TRAPPC11: variants seen among roughly 807,000 people sequenced by gnomAD.
TRAPPC11 encodes the protein trafficking protein particle complex subunit 11.
In TRAPPC11, 104 loss-of-function variants were observed where a neutral mutation model predicts 151.2. The ratio of observed to expected loss-of-function variants is 0.69; its 90% CI spans 0.59 to 0.81. The LOEUF (loss-of-function observed/expected upper bound fraction) is 0.81, where lower values mean the gene tolerates loss of function less well. Among genes scored for constraint, TRAPPC11 ranks in the 30% least tolerant of loss-of-function variants. The pLI is 0.00. For synonymous variants in TRAPPC11, 456 were observed against 472.3 expected (o/e 0.97, Z 0.45); for missense variants, 1,230 against 1,349.6 (o/e 0.91, Z 1.39).
chr4:183,684,967 G>A, intron 15 of TRAPPC11, 117 bp from the exon 16 acceptor site: 1 of 1,294,058 alleles, frequency 7.7e-7, no homozygotes, highest in Non-Finnish European at 1.1e-6. Flanking sequence ...GCAAATCACT[G>A]TGCTTAGTCA....
chr4:183,695,847 C>T (rs1385516158), intron 23 of TRAPPC11, among the ~76,000 whole-genome samples: 1 of 152,136 alleles, frequency 6.6e-6, no homozygotes, highest in Non-Finnish European at 1.5e-5. Context: ...GAAAATTTCT[C>T]ATAGCCTGGT....
At chr4:183,696,692 C>A (rs1736554262) in intron 23 of TRAPPC11, among the ~76,000 whole-genome samples, 1 of 151,996 alleles carries the variant, frequency 6.6e-6, no homozygotes, top group Admixed American at 6.6e-5. Context: ...ACCATGCCCA[C>A]CCCCCCATTG....
intron 7 of TRAPPC11, among the ~76,000 whole-genome samples, chr4:183,676,957 G>T (rs1207587175): frequency 1.3e-5 from 2 of 152,088 alleles, no homozygotes; most frequent in Non-Finnish European, 2.9e-5. Flanking sequence ...TAGAGACGGG[G>T]TTTCACCCTG....
At chr4:183,669,428 G>A (rs1735036969) in intron 5 of TRAPPC11, among the ~76,000 whole-genome samples, 1 of 152,132 alleles carries the variant, frequency 6.6e-6, no homozygotes, top group Admixed American at 6.5e-5. Flanking sequence ...CTGCACTTCA[G>A]TGCTTTCCTA....
chr4:183,704,464 TG>T (rs1736949898), intron 26 of TRAPPC11, among the ~76,000 whole-genome samples: 1 of 140,458 alleles, frequency 7.1e-6, no homozygotes, highest in South Asian at 2.2e-4. Context: ...GAGGTTGCAG[TG>T]AGCCAAGGTT....
intron 29 of TRAPPC11, among the ~76,000 whole-genome samples, chr4:183,709,441 T>G (rs1737232737): frequency 6.6e-6 from 1 of 152,160 alleles, no homozygotes; most frequent in African/African-American, 2.4e-5. Context: ...TGTATAAAAA[T>G]AATTAACCCT....
chr4:183,684,376 A>C lies in TRAPPC11; in HGVS notation c.1421+17A>C. The C allele has an allele frequency of 6.2e-7, 1 of 1,603,494 alleles. No homozygotes were observed. Among genetic ancestry groups the C allele is most frequent in the Non-Finnish European group, 8.5e-7 (1 of 1,171,306 alleles). On this transcript the variant is annotated intron_variant, in intron 14 of 29. Coordinates refer to ENST00000334690, the MANE Select transcript of TRAPPC11 (RefSeq NM_021942.6). The stretch of plus-strand genomic sequence containing the variant: ...AGCTTTGAAGTGAGTCCTGTTCACT[A>C]TTTACTTTTACAAGTATTTGGATTA...
intron 29 of TRAPPC11, among the ~76,000 whole-genome samples, chr4:183,710,111 T>C (rs1164627217): frequency 6.6e-6 from 1 of 152,186 alleles, no homozygotes; most frequent in Admixed American, 6.5e-5. Flanking sequence ...CTAGAGTAAC[T>C]AATACTGAAA....
chr4:183,692,957 TAGA>T lies in TRAPPC11; in HGVS notation c.2050-2_2050del. On this transcript the variant is annotated splice_acceptor_variant and coding_sequence_variant, in exon 20 of 30. Transcript: ENST00000334690. LOFTEE classifies it high-confidence loss of function. Reference sequence around the variant, plus strand: ...TTTCCAACATCCTTTTTTTTCTTTTTAGATTACTTCAGTGGATCTTGCTCTGGG... The same window carrying T: ...TTTCCAACATCCTTTTTTTTCTTTTTTTACTTCAGTGGATCTTGCTCTGGG... 1.9e-6 allele frequency: 3 copies of T among 1,591,098 alleles called. No homozygotes were observed. Among genetic ancestry groups the T allele is most frequent in the Admixed American group, 3.6e-5 (2 of 55,478 alleles).
Position 183,684,659 on chromosome 4 carries a change from T to A in TRAPPC11, c.1422-37T>A, listed in dbSNP as rs759820266. On this transcript the variant is annotated intron_variant, in intron 14 of 29. Coordinates refer to ENST00000334690, the MANE Select transcript of TRAPPC11 (RefSeq NM_021942.6). ...CATGAACTCTTCGAACCCTTTCTTG[T>A]GAAGCCGGTTCAGTATTACATTTTG... The A allele has an allele frequency of 5.0e-6, 8 of 1,605,432 alleles. No homozygotes were observed. The South Asian group carries it at 8.9e-5, about 18-fold the overall frequency.
Position 183,675,203 on chromosome 4 carries a change from A to G in TRAPPC11, c.700A>G (p.Ser234Gly). The change falls in exon 7 of 30, where the codon AGT (serine) becomes GGT (glycine). Residue 234 changes from serine to glycine, a missense_variant. Ser to Gly is a moderately conservative substitution (Grantham distance 56, BLOSUM62 0). Coordinates refer to ENST00000334690, the MANE Select transcript of TRAPPC11 (RefSeq NM_021942.6). ...VRHQFKIAFF[S>G]ELKQDTQNAL... ...GCATCAGTTCAAAATAGCTTTCTTC[A>G]GTGAGTTGAAACAAGATACACAAAA... 3 of 1,545,674 alleles carry G rather than the reference A, an allele frequency of 1.9e-6. No homozygotes were observed. The highest frequency in any genetic ancestry group is 2.6e-6 in the Non-Finnish European group (3 of 1,145,868).
In TRAPPC11 at chr4:183,705,027, G is replaced by A. The variant is rs1246184629; in HGVS notation, c.3012G>A (p.Leu1004=). Residue 1004 remains leucine (L), a synonymous_variant, in exon 27 of 30, where the codon CTG becomes CTA. Coordinates refer to ENST00000334690, the MANE Select transcript of TRAPPC11 (RefSeq NM_021942.6). The part of the protein sequence containing the change: ...NIPIITTVIT[L]PHVIVENIPL... Reference sequence around the variant, plus strand: ...CCATCATCACAACTGTCATCACTCTGCCGCACGTGATTGTGGAGAATATCC... The same window carrying A: ...CCATCATCACAACTGTCATCACTCTACCGCACGTGATTGTGGAGAATATCC... 3.1e-6 allele frequency: 5 copies of A among 1,601,066 alleles called. No individual in the cohort carries two copies. Among genetic ancestry groups the A allele is most frequent in the Middle Eastern group, 1.7e-4 (1 of 6,010 alleles).
At position 183,661,047 on chromosome 4, in the gene TRAPPC11, C is replaced by G. The variant is rs145373094; in HGVS notation, c.-22+1600C>G. ...TTTTTAATTTTCATTCCTACATTAC[C>G]CAGAACTAGACTGTTTCTTTCTCTG... On this transcript the variant is annotated intron_variant, in intron 1 of 29. Coordinates refer to ENST00000334690, the MANE Select transcript of TRAPPC11 (RefSeq NM_021942.6). 9.0e-3 allele frequency among the ~76,000 whole-genome samples: 1,368 copies of G among 152,084 alleles called. 148 individuals carry two copies. Among genetic ancestry groups the G allele is most frequent in the Admixed American group, 0.086 (1,302 of 15,168 alleles).
rs564201364 is a variant in TRAPPC11, at chr4:183,665,164, G to A, written c.204+1093G>A. 4.3e-3 allele frequency among the ~76,000 whole-genome samples: 596 copies of A among 138,128 alleles called. 4 individuals carry two copies. The highest frequency in any genetic ancestry group is 9.6e-3 in the South Asian group (43 of 4,470). The allele number at this position is 138,128 out of a possible 152,430, so 90.6% of individuals were successfully genotyped here. A position where few individuals can be genotyped will look rare whatever the true frequency, so the allele number is the denominator to read the frequency against. ...GGCTGGAGTGCTGTGGCGCGATATC[G>A]GCTCACTGCAAGCTCCGCCTCCTGG... On this transcript the variant is annotated intron_variant, in intron 2 of 29. Coordinates refer to ENST00000334690, the MANE Select transcript of TRAPPC11 (RefSeq NM_021942.6).
At chr4:183,701,596 A>G (rs1736801880) in intron 25 of TRAPPC11, 101 bp from the exon 26 acceptor site, 1 of 773,972 alleles carries the variant, frequency 1.3e-6, no homozygotes, top group Non-Finnish European at 2.3e-6. Flanking sequence ...AGTAATATAT[A>G]GTGGGTGAGG....
At position 183,686,558 on chromosome 4, in the gene TRAPPC11, A is replaced by T. The variant is rs937158156; in HGVS notation, c.1763-60A>T. ...CTGAAGAATCAATTTGGTTAACAGG[A>T]TGTGTGTGGGTCGTGGGTATCTGGT... On this transcript the variant is annotated intron_variant, in intron 17 of 29. Transcript: ENST00000334690. 2.5e-6 allele frequency: 4 copies of T among 1,585,000 alleles called. No homozygotes were observed. The African/African-American group carries it at 5.4e-5, about 21-fold the overall frequency.
intron 7 of TRAPPC11, 40 bp downstream of exon 7, chr4:183,675,277 A>T: frequency 7.9e-7 from 1 of 1,263,580 alleles, no homozygotes; most frequent in Non-Finnish European, 1.1e-6. Context: ...CTATTTTTAT[A>T]TTAACAATAA....
In TRAPPC11 at chr4:183,693,095, C is replaced by T; in HGVS notation, c.2185C>T (p.Leu729=). Residue 729 remains leucine, a synonymous_variant, in exon 20 of 30, where the codon CTA becomes TTA. Coordinates refer to ENST00000334690, the MANE Select transcript of TRAPPC11 (RefSeq NM_021942.6). The part of the protein sequence containing the change: ...AARSFKRRPK[L]PDNEVHWDSI... ...TCGGTCTTTCAAAAGGCGACCTAAG[C>T]TACCTGACAATGAAGTTCACTGGGA... 1 of 1,612,622 alleles carries T rather than the reference C, an allele frequency of 6.2e-7. No homozygotes were observed. Among genetic ancestry groups the T allele is most frequent in the Non-Finnish European group, 8.5e-7 (1 of 1,179,092 alleles).
intron 3 of TRAPPC11, 48 bp from the exon 4 acceptor site, chr4:183,667,012 A>G (rs1398093835): frequency 6.7e-7 from 1 of 1,495,056 alleles, no homozygotes; most frequent in Admixed American, 1.7e-5. Flanking sequence ...TCATGAATAC[A>G]TTTTTTAAGT....
Sources: gnomAD v4.1 joint callset for allele counts (sites outside exome capture counted in the v4.1 genomes callset) on GRCh38, gnomAD v4.1.1 for gene constraint, MANE v1.5 for transcripts, NCBI Gene and HGNC (gene_info 2026-07-23, HGNC 2026-07-21) for gene names.